The following SVOPL variants were observed in gnomAD, a reference collection of about 807,000 sequenced individuals.
SVOPL encodes the protein SVOP like.
Under a neutral mutation model 61.0 loss-of-function variants are expected in SVOPL, and 60 were observed. That is an observed-to-expected ratio of 0.98 (90% CI 0.80 to 1.22). The LOEUF is 1.22. Ranked by LOEUF, SVOPL falls within the 50% of genes most tolerant of loss-of-function variation. The pLI is 0.00. For synonymous variants in SVOPL, 279 were observed against 250.0 expected, an observed-to-expected ratio of 1.12 and a Z score of -1.09; for missense variants, 662 against 643.9, an observed-to-expected ratio of 1.03 and a Z score of -0.30.
intron 1 of SVOPL, among the ~76,000 whole-genome samples, chr7:138,682,128 T>C (rs1269919315): frequency 6.6e-6 from 1 of 152,160 alleles, no homozygotes; most frequent in Non-Finnish European, 1.5e-5. Flanking sequence ...AGCTAACATA[T>C]GCAGAGAAAA....
intron 7 of SVOPL, among the ~76,000 whole-genome samples, chr7:138,653,886 T>C (rs1212378711): frequency 6.7e-6 from 1 of 148,230 alleles, no homozygotes; most frequent in African/African-American, 2.5e-5. Flanking sequence ...TGAGCTGAGA[T>C]CATGCCACCA....
chr7:138,596,375 A>C (rs898629796), intron 15 of SVOPL, 42 bp downstream of exon 15: 2 of 1,579,674 alleles, frequency 1.3e-6, no homozygotes, highest in Non-Finnish European at 1.7e-6. Flanking sequence ...TCTGGGCAAA[A>C]GTGGTAGTTG....
intron 1 of SVOPL, among the ~76,000 whole-genome samples, chr7:138,683,287 AT>A (rs1336089697): frequency 2.6e-4 from 39 of 152,294 alleles, no homozygotes; most frequent in African/African-American, 8.7e-4. Flanking sequence ...ATTGAAAATT[AT>A]TGGAAGAAGA....
At chr7:138,598,186 G>C (rs539715746) in intron 14 of SVOPL, among the ~76,000 whole-genome samples, 77 of 152,068 alleles carry the variant, frequency 5.1e-4, no homozygotes, top group Non-Finnish European at 9.0e-4. Flanking sequence ...GTATCAAAAG[G>C]AAAAAGATCT....
rs7777388 is a variant in SVOPL, at chr7:138,660,533, C to T, written c.346-545G>A. The T allele has an allele frequency of 0.011, 10,569 of 985,808 alleles. 471 individuals carry two copies. The East Asian group carries it at 0.22, about 21-fold the overall frequency. The allele number at this position is 985,808 out of a possible 1,614,324, so 61.1% of individuals were successfully genotyped here. ...GTGTTAATGGCTGGCTATAAATGTT[C>T]CAGTGGAAAGATGTACTTTCATACA... is the stretch of plus-strand genomic sequence containing the variant. On this transcript the variant is annotated intron_variant, in intron 5 of 15. Coordinates refer to ENST00000674285, the MANE Select transcript of SVOPL (RefSeq NM_001139456.2).
intron 14 of SVOPL, among the ~76,000 whole-genome samples, chr7:138,617,324 T>C (rs1673226): frequency 0.99 from 150,503 of 152,280 alleles, 74,381 homozygotes; most frequent in Middle Eastern, 1. Flanking sequence ...CATTAGGATA[T>C]GTAAACATAT....
chr7:138,651,761 G>A (rs1448430503), intron 7 of SVOPL, among the ~76,000 whole-genome samples: 2 of 152,096 alleles, frequency 1.3e-5, no homozygotes, highest in African/African-American at 2.4e-5. Flanking sequence ...GGAGTCTCAT[G>A]GCTCCACTTA....
intron 9 of SVOPL, among the ~76,000 whole-genome samples, chr7:138,640,422 G>A (rs1800726669): frequency 6.6e-6 from 1 of 151,852 alleles, no homozygotes; most frequent in African/African-American, 2.4e-5. Flanking sequence ...CTAGAGTCAG[G>A]GTTTCTCTGT....
At chr7:138,676,899 CTTTT>C (rs1191279496) in intron 3 of SVOPL, among the ~76,000 whole-genome samples, 5 of 112,816 alleles carry the variant, frequency 4.4e-5, no homozygotes, top group Non-Finnish European at 6.9e-5. Flanking sequence ...CTTGGGGTTC[CTTTT>C]TTTTTTTTTT....
intron 7 of SVOPL, among the ~76,000 whole-genome samples, chr7:138,650,222 G>A (rs531871144): frequency 6.6e-6 from 1 of 152,302 alleles, no homozygotes; most frequent in African/African-American, 2.4e-5. Flanking sequence ...AGGTGACACG[G>A]TTCACTGATG....
chr7:138,681,362 TAACATATATAATAAATAAACATAAACA>T (rs1427643032), intron 1 of SVOPL, among the ~76,000 whole-genome samples: 1 of 149,232 alleles, frequency 6.7e-6, no homozygotes, highest in African/African-American at 2.4e-5. Context: ...TATTATTATA[TAACATATATAATAAATAAACATAAACA>T]AACAAACCCA....
At chr7:138,606,141 C>A (rs768842794) in intron 14 of SVOPL, among the ~76,000 whole-genome samples, 4 of 151,916 alleles carry the variant, frequency 2.6e-5, no homozygotes, top group East Asian at 1.9e-4. Flanking sequence ...GTCCTCATGG[C>A]GAGTAAAGTC....
intron 4 of SVOPL, among the ~76,000 whole-genome samples, chr7:138,666,038 C>T (rs988783191): frequency 2.0e-5 from 3 of 152,222 alleles, no homozygotes; most frequent in African/African-American, 7.2e-5. Context: ...AAACAAGAAA[C>T]TGCTTCTGCA....
At chr7:138,653,899 C>A (rs557823765) in intron 7 of SVOPL, among the ~76,000 whole-genome samples, 1 of 150,374 alleles carries the variant, frequency 6.7e-6, no homozygotes, top group African/African-American at 2.5e-5. Flanking sequence ...TGCCACCACA[C>A]TCCAGCCTGG....
chr7:138,665,555 T>G (rs1389969294), intron 4 of SVOPL, among the ~76,000 whole-genome samples: 2 of 152,034 alleles, frequency 1.3e-5, no homozygotes. Context: ...GTAGGCACCT[T>G]AGGAAACAGC....
At chr7:138,628,018 G>T (rs1799969356) in intron 11 of SVOPL, 140 bp downstream of exon 11, 1 of 953,316 alleles carries the variant, frequency 1.0e-6, no homozygotes, top group Non-Finnish European at 1.6e-6. Context: ...CCAAACTGGA[G>T]ATTTTTCAGC....
At chr7:138,607,878 G>A (rs1272455247) in intron 14 of SVOPL, among the ~76,000 whole-genome samples, 2 of 152,130 alleles carry the variant, frequency 1.3e-5, no homozygotes, top group African/African-American at 2.4e-5. Context: ...AGACTCAAAT[G>A]AGAAAGTATT....
chr7:138,634,225 G>T (rs981146953), intron 9 of SVOPL, among the ~76,000 whole-genome samples: 3 of 152,144 alleles, frequency 2.0e-5, no homozygotes, highest in African/African-American at 7.2e-5. Context: ...CTGCACTGAG[G>T]ATCTGGTGCA....
At chr7:138,659,411 G>A (rs1409305374) in intron 6 of SVOPL, among the ~76,000 whole-genome samples, 1 of 151,706 alleles carries the variant, frequency 6.6e-6, no homozygotes, top group Non-Finnish European at 1.5e-5. Context: ...AGAATCGCTT[G>A]AACCCAGGAG....
Sources: allele counts gnomAD v4.1 joint callset (sites outside exome capture counted in the v4.1 genomes callset), GRCh38; gene constraint gnomAD v4.1.1; transcripts MANE v1.5; gene names NCBI Gene and HGNC (gene_info 2026-07-23, HGNC 2026-07-21).